The following SKIDA1 variants were observed in gnomAD, a reference collection of about 807,000 sequenced individuals.
The protein encoded by SKIDA1 is SKI/DACH domain-containing protein 1.
A neutral mutation model predicts 51.4 loss-of-function variants in SKIDA1; 18 were observed. The ratio of observed to expected loss-of-function variants is 0.35; its 90% CI spans 0.24 to 0.52. The LOEUF (loss-of-function observed/expected upper bound fraction) is 0.52, where lower values mean the gene tolerates loss of function less well. Among genes scored for constraint, SKIDA1 ranks in the 20% least tolerant of loss-of-function variants. SKIDA1 has a pLI of 0.95. For synonymous variants in SKIDA1, 579 were observed against 500.5 expected (o/e 1.16, Z -2.09); for missense variants, 1,104 against 1,180.6 (o/e 0.94, Z 0.95).
At chr10:21,525,334 A>G (rs1469867473) in intron 1 of SKIDA1, among the ~76,000 whole-genome samples, 2 of 152,246 alleles carry the variant, frequency 1.3e-5, no homozygotes, top group East Asian at 1.9e-4. Context: ...ATTGAAATGC[A>G]TTTGCTTTGG....
rs139988624 is a variant in SKIDA1 at position 21,518,154 on chromosome 10, C to A, written c.-332G>T. 4.3e-6 allele frequency: 1 copy of A among 234,788 alleles called. No homozygotes were observed. Among genetic ancestry groups the A allele is most frequent in the African/African-American group, 2.3e-5 (1 of 44,224 alleles). 14.5% of individuals were successfully genotyped at this position (234,788 alleles called of 1,614,324 possible). On this transcript the variant is annotated 5_prime_UTR_variant, in exon 4 of 4. Transcript: ENST00000449193. ...CCCGATGCAGATCAGTACCTGGGCC[C>A]CTCTATTCCTTCCTTCTCCATTGGA...
chr10:21,517,083 T>C lies in SKIDA1; in HGVS notation c.740A>G (p.Gln247Arg). The change falls in exon 4 of 4, where the codon CAG (glutamine) becomes CGG (arginine). Residue 247 changes from glutamine to arginine, a missense_variant. Coordinates refer to ENST00000449193, the MANE Select transcript of SKIDA1 (RefSeq NM_207371.4). The surrounding 1 kb of genome is among the most constrained non-coding windows in gnomAD (Gnocchi z 6.9). Reference protein sequence around the residue: ...AAAAAAAAYYQVSAAGPQPKA... With the variant: ...AAAAAAAAYYRVSAAGPQPKA... ...GGGCTGGGGCCCGGCCGCCGATACC[T>C]GGTAATAGGCGGCGGCGGCGGCGGC... The C allele has an allele frequency of 2.1e-6, 2 of 972,510 alleles. No homozygotes were observed. The highest frequency in any genetic ancestry group is 2.4e-6 in the Non-Finnish European group (2 of 831,546). The allele number at this position is 972,510 out of a possible 1,614,324, so 60.2% of individuals were successfully genotyped here. A position where few individuals can be genotyped will look rare whatever the true frequency, so the allele number is the denominator to read the frequency against.
intron 1 of SKIDA1, among the ~76,000 whole-genome samples, chr10:21,524,382 T>C (rs1024299140): frequency 2.0e-5 from 3 of 152,186 alleles, no homozygotes; most frequent in Middle Eastern, 3.2e-3. Context: ...AATTTTTTTT[T>C]CTCAAAGACA....
chr10:21,518,002 G>C lies in SKIDA1; in HGVS notation c.-180C>G, dbSNP rs41277380. 2.3e-5 allele frequency: 13 copies of C among 561,458 alleles called. No homozygotes were observed. The highest frequency in any genetic ancestry group is 6.5e-5 in the South Asian group (2 of 30,612). 34.8% of individuals were successfully genotyped at this position (561,458 alleles called of 1,614,324 possible). A position where few individuals can be genotyped will look rare whatever the true frequency, so the allele number is the denominator to read the frequency against. On this transcript the variant is annotated 5_prime_UTR_variant, in exon 4 of 4. Coordinates refer to ENST00000449193, the MANE Select transcript of SKIDA1 (RefSeq NM_207371.4). ...GCCAAACTCTAGGCGAAATTATTGG[G>C]GGGGGGGAAACCCCATGAAATTACA...
chr10:21,517,043 GC>G lies in SKIDA1; in HGVS notation c.779del (p.Gly260AlafsTer8). The G allele has an allele frequency of 9.3e-7, 1 of 1,071,164 alleles. No homozygotes were observed. The highest frequency in any genetic ancestry group is 1.1e-6 in the Non-Finnish European group (1 of 888,336). The allele number at this position is 1,071,164 out of a possible 1,614,324, so 66.4% of individuals were successfully genotyped here. On this transcript the variant is annotated frameshift_variant, in exon 4 of 4. Coordinates refer to ENST00000449193, the MANE Select transcript of SKIDA1 (RefSeq NM_207371.4). LOFTEE classifies it high-confidence loss of function. The surrounding 1 kb of genome is among the most constrained non-coding windows in gnomAD (Gnocchi z 6.9). Reference sequence around the variant, plus strand: ...AGCTCAGGCTCCCCGGGCCTCCGGCGCCCGCCGCTGCCTTGGGCTGGGGCCC... The same window carrying G: ...AGCTCAGGCTCCCCGGGCCTCCGGCGCCGCCGCTGCCTTGGGCTGGGGCCC... ...AAGPQPKAAAGAGGPGSLSYR... is the reference protein window; with the variant it reads ...AAGPQPKAAAXAGGPGSLSYR...
At position 21,521,376 on chromosome 10, in the gene SKIDA1, A is replaced by G. The variant is rs1470638178; in HGVS notation, c.-1837+13T>C. 3.3e-5 allele frequency: 5 copies of G among 152,666 alleles called. No homozygotes were observed. Among genetic ancestry groups the G allele is most frequent in the African/African-American group, 1.2e-4 (5 of 41,466 alleles). The allele number at this position is 152,666 out of a possible 1,614,324, so 9.5% of individuals were successfully genotyped here. A position where few individuals can be genotyped will look rare whatever the true frequency, so the allele number is the denominator to read the frequency against. ...TATCAATTATGCTTAAAGTTATGCA[A>G]TAATTTACTTACTTTGCCTGATGTG... On this transcript the variant is annotated intron_variant, in intron 3 of 3. Transcript: ENST00000449193.
chr10:21,515,825 T>C lies in SKIDA1; in HGVS notation c.1998A>G (p.Lys666=). 1.2e-6 allele frequency: 2 copies of C among 1,613,984 alleles called. No homozygotes were observed. The highest frequency in any genetic ancestry group is 1.7e-6 in the Non-Finnish European group (2 of 1,179,858). The change falls in exon 4 of 4, where the codon AAA becomes AAG. Residue 666 remains lysine, a synonymous_variant. Coordinates refer to ENST00000449193, the MANE Select transcript of SKIDA1 (RefSeq NM_207371.4). ...EVNAAGAAAT[K]AENPCTDTGD... is the part of the protein sequence containing the mutation. ...CTGTGTCAGTGCAGGGATTCTCGGC[T>C]TTAGTTGCTGCTGCTCCTGCAGCGT...
In SKIDA1 at chr10:21,514,917, C is replaced by CCA. The variant is rs1588679921; in HGVS notation, c.*178_*179insTG. On this transcript the variant is annotated 3_prime_UTR_variant, in exon 4 of 4. Transcript: ENST00000449193. ...CTCCCACCCCGCCCCCACCCTACTCCAGAAAAAAAAAAAAAAACCCGCAAC... is the reference window on the plus strand; with the variant it reads ...CTCCCACCCCGCCCCCACCCTACTCCCAAGAAAAAAAAAAAAAAACCCGCAAC... The CCA allele has an allele frequency of 6.6e-6, 2 of 300,832 alleles. No homozygotes were observed. The highest frequency in any genetic ancestry group is 6.2e-5 in the Admixed American group (1 of 16,124). The allele number at this position is 300,832 out of a possible 1,614,324, so 18.6% of individuals were successfully genotyped here. A position where few individuals can be genotyped will look rare whatever the true frequency, so the allele number is the denominator to read the frequency against.
chr10:21,515,269 A>C lies in SKIDA1; in HGVS notation c.2554T>G (p.Cys852Gly). Residue 852 changes from cysteine to glycine, a missense_variant, in exon 4 of 4, where the codon TGT becomes GGT. By Grantham distance (159) the Cys-to-Gly change is radical. Coordinates refer to ENST00000449193, the MANE Select transcript of SKIDA1 (RefSeq NM_207371.4). ...CTCCCAATAATGAGTGATGGTGGAC[A>C]AGGAAAATTTGCCATGAAATGAAAT... ...RPFHFMANFP[C>G]PPSLIIGRDG... The C allele has an allele frequency of 6.2e-7, 1 of 1,614,046 alleles. No individual in the cohort carries two copies. Among genetic ancestry groups the C allele is most frequent in the Non-Finnish European group, 8.5e-7 (1 of 1,179,898 alleles).
Position 21,517,457 on chromosome 10 carries a change from G to A in SKIDA1, c.366C>T (p.Ala122=), listed in dbSNP as rs953336467. 2.6e-6 allele frequency: 4 copies of A among 1,515,652 alleles called. No homozygotes were observed. Among genetic ancestry groups the A allele is most frequent in the East Asian group, 5.0e-5 (2 of 40,328 alleles). The allele number at this position is 1,515,652 out of a possible 1,614,324, so 93.9% of individuals were successfully genotyped here. A position where few individuals can be genotyped will look rare whatever the true frequency, so the allele number is the denominator to read the frequency against. ...ATCCCGGGCGGGGGCTGGCGGCAGC[G>A]GCGCGCTCTGGCGGCGGCGCCTTTG... ...LATKAPPPER[A]AAASPRPGFW... is the part of the protein sequence containing the mutation. Residue 122 remains alanine (A), a synonymous_variant, in exon 4 of 4, where the codon GCC becomes GCT. Coordinates refer to ENST00000449193, the MANE Select transcript of SKIDA1 (RefSeq NM_207371.4). This position sits in a 1 kb window ranked among gnomAD's most constrained non-coding sequence, Gnocchi z 6.9.
rs778058155 is a variant in SKIDA1, at chr10:21,517,489, G to A, written c.334C>T (p.Leu112=). ...KTKRRRVGRA[L]ATKAPPPERA... ...TCTGGCGGCGGCGCCTTTGTGGCCA[G>A]GGCCCGGCCGACCCGCCTGCGCTTG... The change falls in exon 4 of 4, where the codon CTG becomes TTG. Residue 112 remains leucine, a synonymous_variant. Transcript: ENST00000449193. The surrounding 1 kb of genome is among the most constrained non-coding windows in gnomAD (Gnocchi z 6.9). 36 of 1,550,178 alleles carry A rather than the reference G, an allele frequency of 2.3e-5. No homozygotes were observed. The highest frequency in any genetic ancestry group is 1.7e-6 in the Non-Finnish European group (2 of 1,147,530).
At position 21,518,640 on chromosome 10, in the gene SKIDA1, G is replaced by A. The variant is rs980870931; in HGVS notation, c.-818C>T. On this transcript the variant is annotated 5_prime_UTR_variant, in exon 4 of 4. Transcript: ENST00000449193. ...CCGATACAGCTATTATCATTTCAAA[G>A]AAAAGCATTTAAAAAACATTATCAA... 5 of 166,654 alleles carry A rather than the reference G, an allele frequency of 3.0e-5. No individual in the cohort carries two copies. The highest frequency in any genetic ancestry group is 1.2e-4 in the African/African-American group (5 of 41,308). 10.3% of individuals were successfully genotyped at this position (166,654 alleles called of 1,614,324 possible). A position where few individuals can be genotyped will look rare whatever the true frequency, so the allele number is the denominator to read the frequency against.
chr10:21,516,902 C>A lies in SKIDA1; in HGVS notation c.921G>T (p.Ala307=), dbSNP rs1356574201. 2 of 1,116,334 alleles carry A rather than the reference C, an allele frequency of 1.8e-6. No homozygotes were observed. The highest frequency in any genetic ancestry group is 1.7e-5 in the African/African-American group (1 of 59,568). 69.2% of individuals were successfully genotyped at this position (1,116,334 alleles called of 1,614,324 possible). Residue 307 remains alanine, a synonymous_variant, in exon 4 of 4, where the codon GCG becomes GCT. Coordinates refer to ENST00000449193, the MANE Select transcript of SKIDA1 (RefSeq NM_207371.4). This position sits in a 1 kb window ranked among gnomAD's most constrained non-coding sequence, Gnocchi z 5.7. ...CCGCCGCCGCCGCTGCCGCCGCCGCCGCCGCCGCCGCCGCCTTGGCTTTGT... is the reference window on the plus strand; with the variant it reads ...CCGCCGCCGCCGCTGCCGCCGCCGCAGCCGCCGCCGCCGCCTTGGCTTTGT... The part of the protein sequence containing the change: ...RSYKAKAAAA[A]AAAAAAAAAA...
In SKIDA1 at chr10:21,518,759, G is replaced by C. The variant is rs923535962; in HGVS notation, c.-937C>G. 6.0e-6 allele frequency: 1 copy of C among 166,974 alleles called. No homozygotes were observed. The highest frequency in any genetic ancestry group is 2.4e-5 in the African/African-American group (1 of 41,408). 10.3% of individuals were successfully genotyped at this position (166,974 alleles called of 1,614,324 possible). A position where few individuals can be genotyped will look rare whatever the true frequency, so the allele number is the denominator to read the frequency against. ...AGCCTGGTATTTCCCTTACAGGAGTGGGGAAGGAGACCGGCTGGGAGCTCC... is the reference window on the plus strand; with the variant it reads ...AGCCTGGTATTTCCCTTACAGGAGTCGGGAAGGAGACCGGCTGGGAGCTCC... On this transcript the variant is annotated 5_prime_UTR_variant, in exon 4 of 4. Coordinates refer to ENST00000449193, the MANE Select transcript of SKIDA1 (RefSeq NM_207371.4).
Position 21,517,694 on chromosome 10 carries a change from C to T in SKIDA1, c.129G>A (p.Thr43=). Residue 43 remains threonine, a synonymous_variant, in exon 4 of 4, where the codon ACG becomes ACA. Transcript: ENST00000449193. The surrounding 1 kb of genome is among the most constrained non-coding windows in gnomAD (Gnocchi z 6.9). ...GATGATCCATGCGCTTGTGCACGGT[C>T]GTCCTCGGGATGTTTTTCAGCAGAT... is the stretch of plus-strand genomic sequence containing the variant. The part of the protein sequence containing the change: ...FTDLLKNIPR[T]TVHKRMDHLK... The T allele has an allele frequency of 1.9e-6, 3 of 1,613,966 alleles. No homozygotes were observed. Among genetic ancestry groups the T allele is most frequent in the Non-Finnish European group, 2.5e-6 (3 of 1,179,884 alleles).
At chr10:21,521,057 T>C (rs868619879) in intron 3 of SKIDA1, among the ~76,000 whole-genome samples, 4 of 34,148 alleles carry the variant, frequency 1.2e-4, no homozygotes, top group Non-Finnish European at 1.9e-4. Flanking sequence ...AATGAGTGCA[T>C]GCACACACAC....
Position 21,517,118 on chromosome 10 carries a change from G to T in SKIDA1, c.705C>A (p.Ala235=). The change falls in exon 4 of 4, where the codon GCC becomes GCA. Residue 235 remains alanine, a synonymous_variant. Coordinates refer to ENST00000449193, the MANE Select transcript of SKIDA1 (RefSeq NM_207371.4). The surrounding 1 kb of genome is among the most constrained non-coding windows in gnomAD (Gnocchi z 6.9). ...AAAAAAAAAA[A]AAAAAAAAAY... is the part of the protein sequence containing the mutation. ...CGGCGGCGGCGGCGGCGGCGGCGGC[G>T]GCAGCAGCGGCGGCGGCGGCGGCGG... 9.2e-7 allele frequency: 1 copy of T among 1,087,466 alleles called. No individual in the cohort carries two copies. The highest frequency in any genetic ancestry group is 1.1e-6 in the Non-Finnish European group (1 of 891,022). 67.4% of individuals were successfully genotyped at this position (1,087,466 alleles called of 1,614,324 possible).
Position 21,519,365 on chromosome 10 carries a change from CTT to C in SKIDA1, c.-1545_-1544del, listed in dbSNP as rs1363550060. ...TCAAGCATCTGCTTTAACAAAATCACTTTGGATGAAAATCAATGTGGTTTAAC... is the reference window on the plus strand; with the variant it reads ...TCAAGCATCTGCTTTAACAAAATCACTGGATGAAAATCAATGTGGTTTAAC... On this transcript the variant is annotated 5_prime_UTR_variant, in exon 4 of 4. It removes the in-frame stop codon of an upstream open reading frame in the 5' UTR. Coordinates refer to ENST00000449193, the MANE Select transcript of SKIDA1 (RefSeq NM_207371.4). 1.2e-5 allele frequency: 2 copies of C among 167,090 alleles called. No homozygotes were observed. Among genetic ancestry groups the C allele is most frequent in the African/African-American group, 2.4e-5 (1 of 41,458 alleles). 10.4% of individuals were successfully genotyped at this position (167,090 alleles called of 1,614,324 possible). A position where few individuals can be genotyped will look rare whatever the true frequency, so the allele number is the denominator to read the frequency against.
intron 1 of SKIDA1, among the ~76,000 whole-genome samples, chr10:21,525,252 G>T (rs765807153): frequency 3.3e-5 from 5 of 152,192 alleles, no homozygotes; most frequent in Non-Finnish European, 5.9e-5. Flanking sequence ...AAGGAAAGGG[G>T]ATTCAAGTAT....
Sources: gnomAD v4.1 joint callset for allele counts (sites outside exome capture counted in the v4.1 genomes callset) on GRCh38, gnomAD v4.1.1 for gene constraint, Gnocchi (gnomAD v3.1) non-coding constraint, MANE v1.5 for transcripts, NCBI Gene and HGNC (gene_info 2026-07-23, HGNC 2026-07-21) for gene names.